The following RAPGEF5 variants were observed in gnomAD, a reference collection of about 807,000 sequenced individuals.
The protein encoded by RAPGEF5 is Rap guanine nucleotide exchange factor 5.
RAPGEF5 carries 65 observed loss-of-function variants against 125.2 expected under a neutral mutation model. The observed-to-expected ratio is 0.52, with a 90% confidence interval of 0.43 to 0.64. The LOEUF is 0.64. RAPGEF5 is among the 30% of genes least tolerant of loss of function. The pLI is 0.00. For synonymous variants in RAPGEF5, 391 were observed against 385.9 expected, an observed-to-expected ratio of 1.01 and a Z score of -0.16; for missense variants, 958 against 1,048.1, an observed-to-expected ratio of 0.91 and a Z score of 1.19.
At chr7:22,204,428 C>T (rs181700350) in intron 9 of RAPGEF5, among the ~76,000 whole-genome samples, 2 of 152,318 alleles carry the variant, frequency 1.3e-5, no homozygotes, top group Admixed American at 6.5e-5. Context: ...CAATGAGCAT[C>T]TGCATGTGTG....
At chr7:22,162,281 T>G in intron 13 of RAPGEF5, 116 bp downstream of exon 13, 4 of 1,098,360 alleles carry the variant, frequency 3.6e-6, no homozygotes, top group Non-Finnish European at 5.2e-6. Context: ...GAATCACAAC[T>G]TGACTATCAC....
intron 1 of RAPGEF5, among the ~76,000 whole-genome samples, chr7:22,347,819 C>G (rs1187697186): frequency 1.3e-5 from 2 of 152,164 alleles, no homozygotes; most frequent in East Asian, 3.9e-4. Context: ...GTACTTCAAA[C>G]AACCTGATAT....
intron 5 of RAPGEF5, among the ~76,000 whole-genome samples, chr7:22,305,073 T>G (rs1583564983): frequency 6.6e-6 from 1 of 152,156 alleles, no homozygotes; most frequent in East Asian, 1.9e-4. Context: ...TAATATCAGG[T>G]GTTAAAAGCA....
intron 8 of RAPGEF5, among the ~76,000 whole-genome samples, chr7:22,226,877 T>G (rs1785931996): frequency 6.6e-6 from 1 of 152,138 alleles, no homozygotes; most frequent in Non-Finnish European, 1.5e-5. Flanking sequence ...TAATGCTGCA[T>G]CCTGCCAGAG....
intron 12 of RAPGEF5, chr7:22,163,113 TTTTCATTTTAAAATAAAATGAAAATTA>T (rs1554320682): frequency 3.6e-5 from 7 of 194,618 alleles, no homozygotes; most frequent in South Asian, 7.3e-5. Flanking sequence ...GGACTGCTAA[TTTTCATTTTAAAATAAAATGAAAATTA>T]TTTCATTTTA....
At chr7:22,237,659 G>C (rs567880065) in intron 7 of RAPGEF5, among the ~76,000 whole-genome samples, 24 of 152,204 alleles carry the variant, frequency 1.6e-4, no homozygotes, top group African/African-American at 5.8e-4. Flanking sequence ...AAATGGATTT[G>C]AGACTGAGCT....
chr7:22,170,759 C>T (rs1784324018), intron 11 of RAPGEF5, among the ~76,000 whole-genome samples: 1 of 152,136 alleles, frequency 6.6e-6, no homozygotes, highest in South Asian at 2.1e-4. Flanking sequence ...CCCAGAAATG[C>T]TTATTTTCTC....
chr7:22,171,656 G>A (rs1041257493), intron 11 of RAPGEF5, among the ~76,000 whole-genome samples: 1 of 152,064 alleles, frequency 6.6e-6, no homozygotes, highest in African/African-American at 2.4e-5. Context: ...GCGCTACCAC[G>A]CCCGGCTAAT....
intron 7 of RAPGEF5, among the ~76,000 whole-genome samples, chr7:22,245,607 C>T (rs748096581): frequency 1.7e-4 from 26 of 151,926 alleles, no homozygotes; most frequent in African/African-American, 6.3e-4. Flanking sequence ...AGGCACTAAG[C>T]CATATTTCCT....
chr7:22,276,743 C>T (rs774918989), intron 6 of RAPGEF5, among the ~76,000 whole-genome samples: 1 of 152,150 alleles, frequency 6.6e-6, no homozygotes, highest in Non-Finnish European at 1.5e-5. Context: ...CTGTAGTTTC[C>T]TGACGGTGGG....
At chr7:22,152,121 T>C (rs1783648060) in intron 17 of RAPGEF5, among the ~76,000 whole-genome samples, 1 of 152,238 alleles carries the variant, frequency 6.6e-6, no homozygotes, top group Non-Finnish European at 1.5e-5. Flanking sequence ...CTTTTCTAGA[T>C]AATTGGCCCA....
chr7:22,194,710 G>T (rs1015587626), intron 9 of RAPGEF5: 2 of 985,414 alleles, frequency 2.0e-6, no homozygotes, highest in Non-Finnish European at 2.4e-6. Context: ...ATGGATGACT[G>T]CACAGACTTT....
chr7:22,260,503 C>T (rs747729218), intron 7 of RAPGEF5, among the ~76,000 whole-genome samples: 1 of 144,674 alleles, frequency 6.9e-6, no homozygotes, highest in Non-Finnish European at 1.5e-5. Context: ...GACTGAGGAA[C>T]CATCACACAA....
intron 11 of RAPGEF5, chr7:22,191,690 T>C: frequency 2.1e-6 from 1 of 470,498 alleles, no homozygotes; most frequent in Non-Finnish European, 4.4e-6. Context: ...CAAACCACTA[T>C]ATTTCCCAAT....
At chr7:22,176,465 G>T (rs919876864) in intron 11 of RAPGEF5, among the ~76,000 whole-genome samples, 9 of 152,262 alleles carry the variant, frequency 5.9e-5, no homozygotes, top group South Asian at 2.1e-4. Flanking sequence ...AAGATAAGAA[G>T]ATATTCTACA....
At chr7:22,310,551 G>A (rs1030761276) in intron 3 of RAPGEF5, among the ~76,000 whole-genome samples, 7 of 152,204 alleles carry the variant, frequency 4.6e-5, no homozygotes, top group African/African-American at 1.7e-4. Context: ...CATACCTCAA[G>A]TTGGTGGTGA....
At chr7:22,163,678 T>G (rs1261010882) in intron 12 of RAPGEF5, among the ~76,000 whole-genome samples, 1 of 152,198 alleles carries the variant, frequency 6.6e-6, no homozygotes, top group Non-Finnish European at 1.5e-5. Flanking sequence ...TGACTAGGAA[T>G]GCAACAGCAG....
chr7:22,329,272 GC>G (rs1783869699), intron 1 of RAPGEF5, among the ~76,000 whole-genome samples: 2 of 151,920 alleles, frequency 1.3e-5, no homozygotes, highest in East Asian at 3.9e-4. Flanking sequence ...TTTCAAAGAG[GC>G]CCCTTTTAAA....
At chr7:22,239,870 T>C (rs1156250527) in intron 7 of RAPGEF5, among the ~76,000 whole-genome samples, 1 of 152,150 alleles carries the variant, frequency 6.6e-6, no homozygotes, top group Non-Finnish European at 1.5e-5. Context: ...TTGATACCAG[T>C]AGCCCGTTTC....
Sources: allele counts gnomAD v4.1 joint callset (sites outside exome capture counted in the v4.1 genomes callset), GRCh38; gene constraint gnomAD v4.1.1; transcripts MANE v1.5; gene names NCBI Gene and HGNC (gene_info 2026-07-23, HGNC 2026-07-21).